Variants in GLOD4 observed in about 807,000 individuals in gnomAD.
GLOD4 encodes the protein glyoxalase domain-containing protein 4.
Under a neutral mutation model 39.1 loss-of-function variants are expected in GLOD4, and 44 were observed. The ratio of observed to expected loss-of-function variants is 1.13; its 90% CI spans 0.88 to 1.45. The LOEUF is 1.45. GLOD4 is among the 40% of genes most tolerant of loss of function. GLOD4 has a pLI of 0.00. For synonymous variants in GLOD4, 145 were observed against 135.0 expected, an observed-to-expected ratio of 1.07 and a Z score of -0.52; for missense variants, 405 against 366.4, an observed-to-expected ratio of 1.11 and a Z score of -0.86.
At chr17:765,467 A>T (rs1358612012) in intron 8 of GLOD4, 2 of 150,448 alleles carry the variant, frequency 1.3e-5, no homozygotes, top group Non-Finnish European at 2.9e-5. Context: ...GGCTATGGGT[A>T]TAAAAACACT....
intron 3 of GLOD4, among the ~76,000 whole-genome samples, chr17:776,657 C>T (rs1331339580): frequency 2.6e-5 from 4 of 152,224 alleles, no homozygotes; most frequent in Non-Finnish European, 5.9e-5. Context: ...CCTCCTCGAA[C>T]ACGCCAGATG....
At chr17:761,563 G>A (rs561113460) in intron 8 of GLOD4, among the ~76,000 whole-genome samples, 68 of 152,260 alleles carry the variant, frequency 4.5e-4, no homozygotes, top group African/African-American at 1.4e-3. Context: ...GGAGTGCAAC[G>A]GCGCCATCTC....
chr17:782,864 C>T (rs1910222906), upstream of GLOD4, among the ~76,000 whole-genome samples: 1 of 152,196 alleles, frequency 6.6e-6, no homozygotes, highest in Non-Finnish European at 1.5e-5. Context: ...CTCCTTAGCT[C>T]TTTGTTGTTG....
intron 4 of GLOD4, 148 bp downstream of exon 4, chr17:775,627 T>C (rs1043540785): frequency 4.7e-6 from 3 of 639,524 alleles, no homozygotes; most frequent in Non-Finnish European, 5.5e-6. Context: ...TATGAGAATG[T>C]AGTCTCTCCG....
intron 8 of GLOD4, chr17:765,457 G>C (rs1906348289): frequency 6.6e-6 from 1 of 150,536 alleles, no homozygotes; most frequent in South Asian, 2.2e-4. Flanking sequence ...AGCAAAGTAG[G>C]GCTATGGGTA....
intron 4 of GLOD4, among the ~76,000 whole-genome samples, chr17:771,812 C>G (rs1211507025): frequency 1.3e-5 from 2 of 151,994 alleles, no homozygotes. Context: ...TGAGACCAGC[C>G]TGGCCAACAT....
At chr17:761,425 C>A (rs1173766220) in intron 8 of GLOD4, among the ~76,000 whole-genome samples, 1 of 152,122 alleles carries the variant, frequency 6.6e-6, no homozygotes, top group East Asian at 1.9e-4. Flanking sequence ...CCACAAGTCA[C>A]AAATATGCAC....
rs534554788 is a variant in GLOD4, at chr17:775,959, C to G, written c.262-40G>C. The stretch of plus-strand genomic sequence containing the variant: ...AGTACATCCAAGTACATGATCACAA[C>G]AGATATTTTACAGAACAAGACAATG... On this transcript the variant is annotated intron_variant, in intron 3 of 8. Transcript: ENST00000301329. The G allele has an allele frequency of 2.0e-5, 32 of 1,578,618 alleles. No homozygotes were observed. The South Asian group carries it at 3.4e-4, about 17-fold the overall frequency.
At chr17:778,964 T>C (rs899500230) in intron 1 of GLOD4, among the ~76,000 whole-genome samples, 8 of 152,124 alleles carry the variant, frequency 5.3e-5, no homozygotes, top group Non-Finnish European at 1.0e-4. Flanking sequence ...GTGAAATCTA[T>C]TTAGATTGGT....
chr17:770,149 G>A lies in GLOD4; in HGVS notation c.639C>T (p.Asp213=), dbSNP rs765274994. 11 of 1,601,388 alleles carry A rather than the reference G, an allele frequency of 6.9e-6. No homozygotes were observed. The East Asian group carries it at 1.3e-4, about 19-fold the overall frequency. The change falls in exon 7 of 9, where the codon GAC becomes GAT. Residue 213 remains aspartate (D), a synonymous_variant. Transcript: ENST00000301329. The part of the protein sequence containing the change: ...AFSCPQKELP[D]LEDLMKRENQ... ...TCTCCCTTTTCATCAAGTCTTCTAAGTCTGGCAACTTGAGGAAAACAGAGG... is the reference window on the plus strand; with the variant it reads ...TCTCCCTTTTCATCAAGTCTTCTAAATCTGGCAACTTGAGGAAAACAGAGG...
At chr17:760,635 G>A (rs1905269696) in intron 8 of GLOD4, among the ~76,000 whole-genome samples, 1 of 152,226 alleles carries the variant, frequency 6.6e-6, no homozygotes, top group Non-Finnish European at 1.5e-5. Flanking sequence ...AGACGCTCAA[G>A]AATCTTTAGT....
chr17:784,715 G>A (rs888074709), upstream of GLOD4, among the ~76,000 whole-genome samples: 2 of 152,194 alleles, frequency 1.3e-5, no homozygotes, highest in Admixed American at 1.3e-4. Flanking sequence ...CACCTGTCAG[G>A]CTTTAGACAG....
rs145010982 is a variant in GLOD4, at chr17:776,599, C to G, written c.261+269G>C. Among the ~76,000 whole-genome samples the G allele has an allele frequency of 3.5e-3, 528 of 152,300 alleles. 1 individual carries two copies. Among genetic ancestry groups the G allele is most frequent in the Non-Finnish European group, 5.1e-3 (349 of 68,026 alleles). ...ATGGCACTGCCGACCCCATCTCTTA[C>G]CACGCTCCCCTCTCGTTCTCTATTC... On this transcript the variant is annotated intron_variant, in intron 3 of 8. Coordinates refer to ENST00000301329, the MANE Select transcript of GLOD4 (RefSeq NM_016080.4).
chr17:776,869 A>G lies in GLOD4; in HGVS notation c.260T>C (p.Met87Thr). 1 of 1,613,096 alleles carries G rather than the reference A, an allele frequency of 6.2e-7. No individual in the cohort carries two copies. The highest frequency in any genetic ancestry group is 8.5e-7 in the Non-Finnish European group (1 of 1,179,034). Reference protein sequence around the residue: ...VGDYKLGNDFMGITLASSQAV... With the variant: ...VGDYKLGNDFTGITLASSQAV... ...CTGCTAGAAAAAAACGGTATTTACC[A>G]TAAAGTCATTGCCAAGCTTGTAGTC... is the stretch of plus-strand genomic sequence containing the variant. The change falls in exon 3 of 9, where the codon ATG becomes ACG. Residue 87 changes from methionine to threonine, a missense_variant and splice_region_variant. Met to Thr is a moderately conservative substitution (Grantham distance 81). Coordinates refer to ENST00000301329, the MANE Select transcript of GLOD4 (RefSeq NM_016080.4).
chr17:767,823 G>A (rs1906942013), intron 8 of GLOD4, among the ~76,000 whole-genome samples: 1 of 126,062 alleles, frequency 7.9e-6, no homozygotes, highest in Admixed American at 8.9e-5. Context: ...GAAGAAATCT[G>A]GAGAGTATGT....
At chr17:767,140 T>A (rs1906720458) in intron 8 of GLOD4, among the ~76,000 whole-genome samples, 1 of 152,236 alleles carries the variant, frequency 6.6e-6, no homozygotes, top group Non-Finnish European at 1.5e-5. Flanking sequence ...TTCTGAAATT[T>A]TTGGATAAGA....
chr17:785,701 G>A (rs1053147464), upstream of GLOD4, among the ~76,000 whole-genome samples: 5 of 151,830 alleles, frequency 3.3e-5, no homozygotes, highest in African/African-American at 9.7e-5. Flanking sequence ...CTGAGCCAGC[G>A]TATTTGAAAA....
At chr17:783,230 G>T (rs1567798252), upstream of GLOD4, 1 of 1,614,102 alleles carries the variant, frequency 6.2e-7, no homozygotes, top group East Asian at 2.2e-5. Flanking sequence ...ACCTAAAGGA[G>T]TTGCCAGTCG....
rs538847807 is a variant in GLOD4, at chr17:761,759, C to G, written c.832-1521G>C. The stretch of plus-strand genomic sequence containing the variant: ...CCTCAGGTGAGCCACCCGCCTTGGT[C>G]CCCCAAGGTGCTGGGATTACAGGGG... On this transcript the variant is annotated intron_variant, in intron 8 of 8. Coordinates refer to ENST00000301329, the MANE Select transcript of GLOD4 (RefSeq NM_016080.4). 1.2e-4 allele frequency among the ~76,000 whole-genome samples: 19 copies of G among 152,290 alleles called. No homozygotes were observed. In the East Asian group the frequency reaches 3.1e-3, roughly 25 times the overall value.
Sources: allele counts gnomAD v4.1 joint callset (sites outside exome capture counted in the v4.1 genomes callset), GRCh38; gene constraint gnomAD v4.1.1; transcripts MANE v1.5; gene names NCBI Gene and HGNC (gene_info 2026-07-23, HGNC 2026-07-21).